NRG3: variants seen among roughly 807,000 people sequenced by gnomAD.
NRG3 encodes neuregulin 3.
In NRG3, 31 loss-of-function variants were observed where a neutral mutation model predicts 66.9. The ratio of observed to expected loss-of-function variants is 0.46; its 90% CI spans 0.35 to 0.63. The LOEUF is 0.63. Ranked by LOEUF, NRG3 falls within the 20% of genes least tolerant of loss-of-function variation. The pLI, the probability that NRG3 is intolerant of heterozygous loss-of-function variation, is 0.00. For missense variants in NRG3, 910 were observed against 878.9 expected, an observed-to-expected ratio of 1.04 and a Z score of -0.45; for synonymous variants, 393 against 359.4, an observed-to-expected ratio of 1.09 and a Z score of -1.06.
chr10:82,899,752 A>G (rs1844028159), intron 4 of NRG3, among the ~76,000 whole-genome samples: 1 of 152,216 alleles, frequency 6.6e-6, no homozygotes, highest in South Asian at 2.1e-4. Context: ...GCGTATTTCA[A>G]AGTACCCTTA....
chr10:82,503,355 G>A (rs748789163), intron 2 of NRG3, among the ~76,000 whole-genome samples: 2 of 152,166 alleles, frequency 1.3e-5, no homozygotes, highest in Non-Finnish European at 2.9e-5. Flanking sequence ...AAAATCTGGT[G>A]AGTAGAATCT....
At chr10:82,235,717 G>A (rs927461272) in intron 1 of NRG3, among the ~76,000 whole-genome samples, 5 of 152,122 alleles carry the variant, frequency 3.3e-5, no homozygotes, top group Non-Finnish European at 7.4e-5. Flanking sequence ...TACTAGTGTG[G>A]CATTGTGTAA....
At chr10:82,644,129 T>G (rs777710641) in intron 2 of NRG3, among the ~76,000 whole-genome samples, 32 of 152,082 alleles carry the variant, frequency 2.1e-4, no homozygotes, top group Non-Finnish European at 3.5e-4. Context: ...CAGAAGAGCT[T>G]TTCTTGAGGG....
At chr10:82,522,235 G>A (rs1316128296) in intron 2 of NRG3, among the ~76,000 whole-genome samples, 2 of 151,840 alleles carry the variant, frequency 1.3e-5, no homozygotes, top group Non-Finnish European at 2.9e-5. Flanking sequence ...GTAGAGAAGG[G>A]GATTTCACCA....
chr10:82,169,146 T>G (rs1361906749), intron 1 of NRG3, among the ~76,000 whole-genome samples: 3 of 152,108 alleles, frequency 2.0e-5, no homozygotes, highest in Non-Finnish European at 4.4e-5. Flanking sequence ...AGCATATGTG[T>G]AAAATTTTAT....
intron 1 of NRG3, among the ~76,000 whole-genome samples, chr10:82,231,413 A>C (rs112998036): frequency 3.2e-4 from 49 of 152,256 alleles, no homozygotes; most frequent in African/African-American, 1.1e-3. Flanking sequence ...GGTAATAGAA[A>C]AACATGAGAC....
At chr10:82,393,635 A>G (rs2086534067) in intron 2 of NRG3, among the ~76,000 whole-genome samples, 1 of 152,184 alleles carries the variant, frequency 6.6e-6, no homozygotes, top group African/African-American at 2.4e-5. Flanking sequence ...AAACTAGAAT[A>G]ATCATATCAC....
At chr10:82,064,943 T>A (rs1022361652) in intron 1 of NRG3, among the ~76,000 whole-genome samples, 9 of 152,212 alleles carry the variant, frequency 5.9e-5, no homozygotes, top group African/African-American at 2.2e-4. Flanking sequence ...CATGCACACA[T>A]AAAGAATTTC....
intron 2 of NRG3, among the ~76,000 whole-genome samples, chr10:82,651,991 CAAGT>C (rs1452590329): frequency 6.6e-6 from 1 of 152,210 alleles, no homozygotes; most frequent in African/African-American, 2.4e-5. Flanking sequence ...AGGAAGCACA[CAAGT>C]GAGTGAGGCA....
intron 2 of NRG3, among the ~76,000 whole-genome samples, chr10:82,708,251 T>C (rs918834219): frequency 1.3e-5 from 2 of 152,190 alleles, no homozygotes; most frequent in African/African-American, 4.8e-5. Flanking sequence ...TATCCCTTTG[T>C]CCCTCTGACT....
At chr10:82,503,916 C>A (rs1016925301) in intron 2 of NRG3, among the ~76,000 whole-genome samples, 2 of 152,124 alleles carry the variant, frequency 1.3e-5, no homozygotes, top group Admixed American at 1.3e-4. Context: ...TTAAAGGAGG[C>A]AGACGGCCTG....
Position 82,174,491 on chromosome 10 carries a change from C to T in NRG3, c.824-184248C>T, listed in dbSNP as rs552509211. On this transcript the variant is annotated intron_variant, in intron 1 of 8. Transcript: ENST00000372141. The stretch of plus-strand genomic sequence containing the variant: ...GCCTGGCCCTTCGCTCTGACAATTA[C>T]ATCCTATTTCTTCTGTTTGTTTTAA... Among the ~76,000 whole-genome samples the T allele has an allele frequency of 4.6e-5, 7 of 152,160 alleles. No individual in the cohort carries two copies. The South Asian group carries it at 6.2e-4, about 14-fold the overall frequency.
intron 3 of NRG3, among the ~76,000 whole-genome samples, chr10:82,794,971 C>T (rs190621105): frequency 9.2e-5 from 14 of 152,256 alleles, no homozygotes; most frequent in Admixed American, 7.8e-4. Flanking sequence ...TTTCTTCAGT[C>T]AAATCATCAT....
intron 3 of NRG3, among the ~76,000 whole-genome samples, chr10:82,812,516 T>A (rs960986895): frequency 6.6e-6 from 1 of 152,190 alleles, no homozygotes; most frequent in Non-Finnish European, 1.5e-5. Flanking sequence ...CTGCTTCTAT[T>A]AAACTGACAT....
chr10:82,302,495 T>C (rs1029125200), intron 1 of NRG3, among the ~76,000 whole-genome samples: 4 of 152,134 alleles, frequency 2.6e-5, no homozygotes, highest in African/African-American at 9.6e-5. Flanking sequence ...CTTTGTATAC[T>C]ATAATGCATA....
At chr10:82,483,009 TC>T (rs1842407055) in intron 2 of NRG3, among the ~76,000 whole-genome samples, 2 of 152,192 alleles carry the variant, frequency 1.3e-5, no homozygotes, top group Non-Finnish European at 2.9e-5. Context: ...GCAAGAATTT[TC>T]TTAAATGGGT....
intron 2 of NRG3, among the ~76,000 whole-genome samples, chr10:82,619,670 T>C (rs2048907803): frequency 6.6e-6 from 1 of 152,144 alleles, no homozygotes; most frequent in Non-Finnish European, 1.5e-5. Context: ...TGGAGACATA[T>C]GTTTAAAGCG....
At chr10:82,749,880 A>G (rs1269913132) in intron 3 of NRG3, among the ~76,000 whole-genome samples, 3 of 152,028 alleles carry the variant, frequency 2.0e-5, no homozygotes, top group Non-Finnish European at 4.4e-5. Context: ...TTAGCCCTCA[A>G]TCAAAAGGGT....
At chr10:82,122,697 A>G (rs2068171542) in intron 1 of NRG3, among the ~76,000 whole-genome samples, 2 of 152,188 alleles carry the variant, frequency 1.3e-5, no homozygotes, top group South Asian at 2.1e-4. Context: ...GAATGAGATA[A>G]AAGGAAACAT....
Sources: allele counts gnomAD v4.1 joint callset (sites outside exome capture counted in the v4.1 genomes callset), GRCh38; gene constraint gnomAD v4.1.1; transcripts MANE v1.5; gene names NCBI Gene and HGNC (gene_info 2026-07-23, HGNC 2026-07-21).